TMEM108: variants seen among roughly 807,000 people sequenced by gnomAD.
TMEM108 encodes the protein transmembrane protein 108.
A neutral mutation model predicts 35.1 loss-of-function variants in TMEM108; 12 were observed. That is an observed-to-expected ratio of 0.34 (90% CI 0.22 to 0.55). The LOEUF is 0.55. Among genes scored for constraint, TMEM108 ranks in the 20% least tolerant of loss-of-function variants. TMEM108 has a pLI of 0.89. For synonymous variants in TMEM108, 287 were observed against 308.6 expected, an observed-to-expected ratio of 0.93 and a Z score of 0.73; for missense variants, 680 against 753.3, an observed-to-expected ratio of 0.90 and a Z score of 1.14.
Position 133,120,182 on chromosome 3 carries a change from G to A in TMEM108, c.-47+74162G>A, listed in dbSNP as rs949932969. Among the ~76,000 whole-genome samples, 10 of 152,170 alleles carry A rather than the reference G, an allele frequency of 6.6e-5. No homozygotes were observed. In the East Asian group the frequency reaches 7.7e-4, roughly 12 times the overall value. On this transcript the variant is annotated intron_variant, in intron 2 of 5. Coordinates refer to ENST00000321871, the MANE Select transcript of TMEM108 (RefSeq NM_023943.4). Reference sequence around the variant, plus strand: ...AATACTAAGTATTTAATGAATTAAGGCATGAGTGCACATCTTTTGGGTTTT... The same window carrying A: ...AATACTAAGTATTTAATGAATTAAGACATGAGTGCACATCTTTTGGGTTTT...
chr3:133,306,047 T>G (rs968124577), intron 3 of TMEM108, among the ~76,000 whole-genome samples: 37 of 152,190 alleles, frequency 2.4e-4, no homozygotes, highest in African/African-American at 8.7e-4. Context: ...ATTTTCTGTC[T>G]GTGGCTTATA....
intron 2 of TMEM108, among the ~76,000 whole-genome samples, chr3:133,190,350 T>C (rs1247214804): frequency 6.6e-6 from 1 of 152,162 alleles, no homozygotes; most frequent in African/African-American, 2.4e-5. Flanking sequence ...CAAGATATCA[T>C]TTTCCTATCA....
chr3:133,187,963 C>T (rs1216795987), intron 2 of TMEM108, among the ~76,000 whole-genome samples: 1 of 150,682 alleles, frequency 6.6e-6, no homozygotes, highest in African/African-American at 2.4e-5. Context: ...ACCTCTACTT[C>T]CTAGAGCCAC....
chr3:133,290,898 A>C (rs1947053582), intron 3 of TMEM108, among the ~76,000 whole-genome samples: 1 of 152,214 alleles, frequency 6.6e-6, no homozygotes, highest in Admixed American at 6.5e-5. Flanking sequence ...AGAAATGAAG[A>C]AGGGCCCAGA....
At position 133,059,282 on chromosome 3, in the gene TMEM108, A is replaced by T. The variant is rs184770307; in HGVS notation, c.-47+13262A>T. 3.1e-3 allele frequency among the ~76,000 whole-genome samples: 478 copies of T among 152,296 alleles called. 1 individual carries two copies. Among genetic ancestry groups the T allele is most frequent in the Non-Finnish European group, 4.7e-3 (323 of 68,024 alleles). On this transcript the variant is annotated intron_variant, in intron 2 of 5. Coordinates refer to ENST00000321871, the MANE Select transcript of TMEM108 (RefSeq NM_023943.4). The stretch of plus-strand genomic sequence containing the variant: ...TCTGTTGCAGTAATTTGTCTTATTC[A>T]TTCCCTTTACCTTCACTTACTTACC...
intron 3 of TMEM108, among the ~76,000 whole-genome samples, chr3:133,366,871 C>T (rs1387647038): frequency 6.6e-6 from 1 of 152,162 alleles, no homozygotes; most frequent in Admixed American, 6.5e-5. Context: ...GTACCATGTT[C>T]AACAGGCTGA....
intron 2 of TMEM108, among the ~76,000 whole-genome samples, chr3:133,113,881 A>G (rs1944255701): frequency 6.6e-6 from 1 of 152,182 alleles, no homozygotes; most frequent in South Asian, 2.1e-4. Flanking sequence ...ATGTGGCTGC[A>G]TGTACTGGAC....
At chr3:133,248,040 A>G (rs1295145532) in intron 3 of TMEM108, 3 of 152,210 alleles carry the variant, frequency 2.0e-5, no homozygotes, top group Non-Finnish European at 4.4e-5. Context: ...GTAGGAAGCT[A>G]TAAGTCAAGC....
At chr3:133,043,524 C>A (rs1943299819) in intron 1 of TMEM108, among the ~76,000 whole-genome samples, 1 of 152,140 alleles carries the variant, frequency 6.6e-6, no homozygotes, top group Non-Finnish European at 1.5e-5. Context: ...ATTTATCATT[C>A]CTTCCTCAAT....
chr3:133,104,317 TCA>T (rs1039760946), intron 2 of TMEM108, among the ~76,000 whole-genome samples: 24 of 152,222 alleles, frequency 1.6e-4, no homozygotes, highest in African/African-American at 5.1e-4. Context: ...CAGTTATAAT[TCA>T]CAGTCACAGA....
At chr3:133,312,454 C>T (rs993240636) in intron 3 of TMEM108, among the ~76,000 whole-genome samples, 2 of 152,258 alleles carry the variant, frequency 1.3e-5, no homozygotes, top group Non-Finnish European at 2.9e-5. Flanking sequence ...CGCCTCTCCC[C>T]GCCACAAGGC....
chr3:133,152,258 A>C (rs574310164), intron 2 of TMEM108, among the ~76,000 whole-genome samples: 2 of 152,198 alleles, frequency 1.3e-5, no homozygotes, highest in African/African-American at 2.4e-5. Context: ...TGTGCAAACA[A>C]TTGGTCTGCT....
At chr3:133,357,525 C>T (rs1260300741) in intron 3 of TMEM108, among the ~76,000 whole-genome samples, 1 of 152,106 alleles carries the variant, frequency 6.6e-6, no homozygotes, top group Non-Finnish European at 1.5e-5. Context: ...TGAAACCAAC[C>T]TAAGTGCCCA....
chr3:133,188,008 T>C (rs1339280216), intron 2 of TMEM108, among the ~76,000 whole-genome samples: 1 of 152,184 alleles, frequency 6.6e-6, no homozygotes, highest in Non-Finnish European at 1.5e-5. Context: ...TTTTTATTGC[T>C]GCCTTGCTAA....
At chr3:133,365,690 A>C (rs1333967269) in intron 3 of TMEM108, among the ~76,000 whole-genome samples, 1 of 152,190 alleles carries the variant, frequency 6.6e-6, no homozygotes, top group African/African-American at 2.4e-5. Context: ...AGAGCCTTTC[A>C]GGGGATGCAC....
chr3:133,139,234 T>C (rs1288812041), intron 2 of TMEM108, among the ~76,000 whole-genome samples: 1 of 152,250 alleles, frequency 6.6e-6, no homozygotes, highest in Non-Finnish European at 1.5e-5. Context: ...CATGTGCATG[T>C]GTCTTTATAG....
intron 2 of TMEM108, among the ~76,000 whole-genome samples, chr3:133,073,526 A>ATATATATATATATTTATATT: frequency 8.6e-6 from 1 of 116,696 alleles, no homozygotes; most frequent in Non-Finnish European, 1.7e-5. Context: ...ATATATATAT[A>ATATATATATATATTTATATT]TATATATATC....
intron 2 of TMEM108, among the ~76,000 whole-genome samples, chr3:133,096,272 C>T (rs563158369): frequency 5.3e-5 from 8 of 152,276 alleles, no homozygotes; most frequent in African/African-American, 1.2e-4. Flanking sequence ...GATCCTCCCA[C>T]TTCAGCCTCC....
chr3:133,316,762 A>T (rs1425631212), intron 3 of TMEM108, among the ~76,000 whole-genome samples: 1 of 152,248 alleles, frequency 6.6e-6, no homozygotes, highest in Non-Finnish European at 1.5e-5. Context: ...ATCAGACCCA[A>T]GGTGAGCATG....
Sources: gnomAD v4.1 joint callset for allele counts (sites outside exome capture counted in the v4.1 genomes callset) on GRCh38, gnomAD v4.1.1 for gene constraint, MANE v1.5 for transcripts, NCBI Gene and HGNC (gene_info 2026-07-23, HGNC 2026-07-21) for gene names.